Variants in IFT20 observed in about 807,000 individuals in gnomAD.
IFT20 encodes the protein intraflagellar transport protein 20 homolog.
A neutral mutation model predicts 16.9 loss-of-function variants in IFT20; 4 were observed. The ratio of observed to expected loss-of-function variants is 0.24; its 90% confidence interval spans 0.12 to 0.54. IFT20 has a LOEUF of 0.54. Among genes scored for constraint, IFT20 ranks in the 20% least tolerant of loss-of-function variants. The probability of loss-of-function intolerance (pLI) is 0.95; values close to 1 mark genes in which losing one functional copy is unlikely to be tolerated. For missense variants in IFT20, 154 were observed against 149.7 expected, an observed-to-expected ratio of 1.03 and a Z score of -0.15; for synonymous variants, 48 against 49.9, an observed-to-expected ratio of 0.96 and a Z score of 0.16.
At position 28,332,299 on chromosome 17, in the gene IFT20, CCTA is replaced by C. The variant is rs1460935040; in HGVS notation, c.-2-315_-2-313del. On this transcript the variant is annotated intron_variant, in intron 1 of 4. Coordinates refer to ENST00000395418, the MANE Select transcript of IFT20 (RefSeq NM_001267776.2). ...TCATTCAACACACATTTCTTGAGTG[CCTA>C]CTACATGCCAACACTGCTAGATGCT... is the stretch of plus-strand genomic sequence containing the variant. The C allele has an allele frequency of 9.6e-6, 12 of 1,243,634 alleles. No homozygotes were observed. In the East Asian group the frequency reaches 3.1e-4, roughly 32 times the overall value. The allele number at this position is 1,243,634 out of a possible 1,614,324, so 77.0% of individuals were successfully genotyped here. A position where few individuals can be genotyped will look rare whatever the true frequency, so the allele number is the denominator to read the frequency against.
At chr17:28,330,686 C>T (rs1906719065) in intron 2 of IFT20, among the ~76,000 whole-genome samples, 158 bp from the exon 3 acceptor site, 1 of 152,008 alleles carries the variant, frequency 6.6e-6, no homozygotes, top group Non-Finnish European at 1.5e-5. Context: ...AACTGTAGTC[C>T]CAGCTACTCA....
In IFT20 at chr17:28,331,875, G is replaced by A. The variant is rs782774686; in HGVS notation, c.111C>T (p.Cys37=). The part of the protein sequence containing the change: ...TQQTIELKEE[C]KDFVDKIGQF... ...AATACTCACTGTCCACAAAGTCTTT[G>A]CACTCTTCCTTCAGCTCTATGGTCT... The change falls in exon 2 of 5, where the codon TGC becomes TGT. Residue 37 remains cysteine, a synonymous_variant. Transcript: ENST00000395418. 2.2e-5 allele frequency: 36 copies of A among 1,614,192 alleles called. No individual in the cohort carries two copies. Among genetic ancestry groups the A allele is most frequent in the Non-Finnish European group, 2.9e-5 (34 of 1,180,036 alleles).
intron 1 of IFT20, 67 bp downstream of exon 1, chr17:28,335,273 G>A (rs1306148407): frequency 6.6e-6 from 1 of 152,168 alleles, no homozygotes; most frequent in Non-Finnish European, 1.5e-5. Flanking sequence ...CTTTCCTCAG[G>A]ACGCGGGCCT....
rs3093673 is a variant in IFT20, at chr17:28,333,688, T to C, written c.-3+1652A>G. ...GCTCATGCCTGTAATCCCAGCACTT[T>C]GGGAGACTGAGGTGGGAGGATCACT... On this transcript the variant is annotated intron_variant, in intron 1 of 4. Coordinates refer to ENST00000395418, the MANE Select transcript of IFT20 (RefSeq NM_001267776.2). Among the ~76,000 whole-genome samples, 297 of 152,296 alleles carry C rather than the reference T, an allele frequency of 2.0e-3. 1 individual carries two copies. The highest frequency in any genetic ancestry group is 6.9e-3 in the African/African-American group (285 of 41,558).
intron 1 of IFT20, 24 bp from the exon 2 acceptor site, chr17:28,332,011 C>T: frequency 6.2e-7 from 1 of 1,613,992 alleles, no homozygotes; most frequent in East Asian, 2.2e-5. Context: ...GGCCCAATTC[C>T]TCATCACTTC....
At chr17:28,334,363 T>C (rs1906993079) in intron 1 of IFT20, among the ~76,000 whole-genome samples, 2 of 152,230 alleles carry the variant, frequency 1.3e-5, no homozygotes, top group South Asian at 4.1e-4. Flanking sequence ...GTGAAGATCC[T>C]GAGGCAACAG....
At position 28,328,735 on chromosome 17, in the gene IFT20, T is replaced by C; in HGVS notation, c.318-2A>G. 1.9e-6 allele frequency: 3 copies of C among 1,575,266 alleles called. No individual in the cohort carries two copies. The highest frequency in any genetic ancestry group is 2.6e-6 in the Non-Finnish European group (3 of 1,155,178). ...AAAGCTTCATATTCAACCCGATACC[T>C]GAAAAACAAAATTGTTAGAGGCCCT... On this transcript the variant is annotated splice_acceptor_variant, in intron 4 of 4. Transcript: ENST00000395418. LOFTEE classifies it high-confidence loss of function.
At chr17:28,329,124 G>C (rs781826949) in intron 4 of IFT20, 49 bp downstream of exon 4, 1 of 1,254,728 alleles carries the variant, frequency 8.0e-7, no homozygotes, top group East Asian at 2.3e-5. Flanking sequence ...AGAAGGAAGA[G>C]TGGAAATTCA....
intron 2 of IFT20, 119 bp from the exon 3 acceptor site, chr17:28,330,647 T>A (rs782450563): frequency 7.0e-6 from 5 of 711,962 alleles, no homozygotes; most frequent in Non-Finnish European, 1.2e-5. Context: ...GTTAAAATAG[T>A]TCGGTGTGGG....
intron 3 of IFT20, 106 bp from the exon 4 acceptor site, chr17:28,329,382 G>A (rs1367032816): frequency 1.4e-5 from 12 of 846,590 alleles, no homozygotes; most frequent in Non-Finnish European, 1.9e-5. Context: ...CTTCAGAGAG[G>A]AAAAGAAAGT....
At chr17:28,334,784 G>A (rs1907024422) in intron 1 of IFT20, among the ~76,000 whole-genome samples, 1 of 152,248 alleles carries the variant, frequency 6.6e-6, no homozygotes, top group Admixed American at 6.5e-5. Flanking sequence ...TGTTTTGTAA[G>A]TCGAGGTGAT....
chr17:28,330,565 A>G (rs782678542), intron 2 of IFT20, 37 bp from the exon 3 acceptor site: 13 of 1,380,020 alleles, frequency 9.4e-6, no homozygotes, highest in Non-Finnish European at 1.3e-5. Context: ...ATATTTCCTT[A>G]GTATCATCAC....
intron 1 of IFT20, among the ~76,000 whole-genome samples, chr17:28,334,500 G>C (rs576162951): frequency 1.0e-4 from 16 of 152,390 alleles, no homozygotes; most frequent in East Asian, 3.9e-4. Context: ...GATTTTATCA[G>C]AAGGGTAATG....
In IFT20 at chr17:28,328,447, C is replaced by T; in HGVS notation, c.*205G>A. On this transcript the variant is annotated 3_prime_UTR_variant, in exon 5 of 5. Coordinates refer to ENST00000395418, the MANE Select transcript of IFT20 (RefSeq NM_001267776.2). ...GCATAAGAGGTGAGAACGTACACTG[C>T]AGGGCCACCAGCAGCAGCTGTGCAC... 1.8e-6 allele frequency: 1 copy of T among 566,830 alleles called. No individual in the cohort carries two copies. 35.1% of individuals were successfully genotyped at this position (566,830 alleles called of 1,614,324 possible).
At chr17:28,331,800 G>A in intron 2 of IFT20, 59 bp downstream of exon 2, 2 of 1,606,930 alleles carry the variant, frequency 1.2e-6, no homozygotes, top group Non-Finnish European at 8.5e-7. Flanking sequence ...AGATGAGCCT[G>A]GGGTACAGTT....
At chr17:28,329,532 G>A in intron 3 of IFT20, 1 of 426,984 alleles carries the variant, frequency 2.3e-6, no homozygotes, top group Non-Finnish European at 4.2e-6. Flanking sequence ...ACATTTGGTG[G>A]TGCCATTCAG....
At chr17:28,331,284 T>C (rs1906758800) in intron 2 of IFT20, 1 of 154,544 alleles carries the variant, frequency 6.5e-6, no homozygotes, top group Admixed American at 6.4e-5. Flanking sequence ...TACCTTTCAC[T>C]AACCAAGCTC....
intron 2 of IFT20, 38 bp downstream of exon 2, chr17:28,331,821 C>G: frequency 6.2e-7 from 1 of 1,613,402 alleles, no homozygotes; most frequent in Non-Finnish European, 8.5e-7. Flanking sequence ...GAAATGGCAG[C>G]TCAAAGCTGA....
In IFT20 at chr17:28,332,277, T is replaced by C. The variant is rs1906842562; in HGVS notation, c.-2-290A>G. On this transcript the variant is annotated intron_variant, in intron 1 of 4. Coordinates refer to ENST00000395418, the MANE Select transcript of IFT20 (RefSeq NM_001267776.2). ...GCTTGCTTGTCACAGGCATCGTTCATTCAACACACATTTCTTGAGTGCCTA... is the reference window on the plus strand; with the variant it reads ...GCTTGCTTGTCACAGGCATCGTTCACTCAACACACATTTCTTGAGTGCCTA... 35 of 1,431,616 alleles carry C rather than the reference T, an allele frequency of 2.4e-5. No individual in the cohort carries two copies. In the Middle Eastern group the frequency reaches 6.1e-4, roughly 25 times the overall value. 88.7% of individuals were successfully genotyped at this position (1,431,616 alleles called of 1,614,324 possible).
Sources: allele counts gnomAD v4.1 joint callset (sites outside exome capture counted in the v4.1 genomes callset), GRCh38; gene constraint gnomAD v4.1.1; transcripts MANE v1.5; gene names NCBI Gene and HGNC (gene_info 2026-07-23, HGNC 2026-07-21).